Variants in SNX27 observed in about 807,000 individuals in gnomAD.
SNX27 encodes the protein sorting nexin-27.
A neutral mutation model predicts 71.6 loss-of-function variants in SNX27; 22 were observed. The observed-to-expected ratio is 0.31, with a 90% CI of 0.22 to 0.44. The LOEUF is 0.44. Ranked by LOEUF, SNX27 falls within the 20% of genes least tolerant of loss-of-function variation. The probability of loss-of-function intolerance (pLI) is 1.00; values close to 1 mark genes in which losing one functional copy is unlikely to be tolerated. For synonymous variants in SNX27, 269 were observed against 277.2 expected, an observed-to-expected ratio of 0.97 and a Z score of 0.29; for missense variants, 531 against 698.6, an observed-to-expected ratio of 0.76 and a Z score of 2.70.
At chr1:151,638,804 T>C in intron 1 of SNX27, 84 bp from the exon 2 acceptor site, 2 of 1,231,586 alleles carry the variant, frequency 1.6e-6, no homozygotes, top group Non-Finnish European at 2.4e-6. Context: ...CGTGTGACAC[T>C]GGAGTTTGGG....
At chr1:151,643,871 G>C (rs1668903320) in intron 2 of SNX27, among the ~76,000 whole-genome samples, 1 of 151,872 alleles carries the variant, frequency 6.6e-6, no homozygotes, top group African/African-American at 2.4e-5. Context: ...TGTTGGTCAG[G>C]CTGGTCTTGA....
At chr1:151,628,392 TGAAG>T (rs1438252644) in intron 1 of SNX27, among the ~76,000 whole-genome samples, 1 of 152,200 alleles carries the variant, frequency 6.6e-6, no homozygotes, top group African/African-American at 2.4e-5. Context: ...ATTCATCTAT[TGAAG>T]GACATCTTGG....
At chr1:151,613,491 C>T (rs368753023) in intron 1 of SNX27, 1 of 152,346 alleles carries the variant, frequency 6.6e-6, no homozygotes, top group African/African-American at 2.4e-5. Flanking sequence ...TCTGCTGCCT[C>T]TTCTACTCTA....
chr1:151,629,450 TG>T (rs1668096313), intron 1 of SNX27: 1 of 109,466 alleles, frequency 9.1e-6, no homozygotes, highest in South Asian at 2.8e-4. Flanking sequence ...TATATACACA[TG>T]TATATATACG....
rs183129288 is a variant in SNX27, at chr1:151,651,945, A to G, written c.544-6290A>G. ...CTGAGTGAACGAGACTCCGTCTGCA[A>G]TCCCGGCACCTGGGGAGGCCGAGGC... is the stretch of plus-strand genomic sequence containing the variant. On this transcript the variant is annotated intron_variant, in intron 2 of 11. Transcript: ENST00000458013. 9.5e-3 allele frequency among the ~76,000 whole-genome samples: 1,448 copies of G among 152,144 alleles called. 31 individuals carry two copies. The highest frequency in any genetic ancestry group is 0.033 in the African/African-American group (1,360 of 41,534).
At chr1:151,650,585 A>C (rs1009435937) in intron 2 of SNX27, among the ~76,000 whole-genome samples, 1 of 151,702 alleles carries the variant, frequency 6.6e-6, no homozygotes. Flanking sequence ...TTTTAGCTCT[A>C]ATTTTTCTCT....
At chr1:151,633,184 T>A (rs1286769212) in intron 1 of SNX27, among the ~76,000 whole-genome samples, 1 of 152,166 alleles carries the variant, frequency 6.6e-6, no homozygotes, top group Non-Finnish European at 1.5e-5. Flanking sequence ...TAAACTTTAC[T>A]GAGGCTTAAT....
chr1:151,619,573 T>A (rs544549104), intron 1 of SNX27, among the ~76,000 whole-genome samples: 2 of 152,244 alleles, frequency 1.3e-5, no homozygotes, highest in South Asian at 4.2e-4. Flanking sequence ...AGTGCTGGGA[T>A]TACAGGTGTG....
intron 2 of SNX27, among the ~76,000 whole-genome samples, chr1:151,645,493 C>T (rs187775949): frequency 5.8e-4 from 89 of 152,294 alleles, no homozygotes; most frequent in Middle Eastern, 3.4e-3. Context: ...TAAGCTGTGT[C>T]GCCTTCTGTG....
At chr1:151,639,478 G>T (rs184998644) in intron 2 of SNX27, among the ~76,000 whole-genome samples, 202 of 152,268 alleles carry the variant, frequency 1.3e-3, no homozygotes, top group African/African-American at 4.8e-3. Flanking sequence ...TGTTGATTCT[G>T]TGGTGCTATA....
rs1445554873 is a variant in SNX27 at position 151,617,909 on chromosome 1, TAGG to T, written c.311+5400_311+5402del. ...TTTTTTTTTTTTTTTTTTAAAGAGA[TAGG>T]AGTCTCACTATGTTGCCCAGGCTGT... On this transcript the variant is annotated intron_variant, in intron 1 of 11. Coordinates refer to ENST00000458013, the MANE Select transcript of SNX27 (RefSeq NM_001330723.2). Among the ~76,000 whole-genome samples, 4 of 136,848 alleles carry T rather than the reference TAGG, an allele frequency of 2.9e-5. No homozygotes were observed. In the East Asian group the frequency reaches 9.1e-4, roughly 31 times the overall value. The allele number at this position is 136,848 out of a possible 152,430, so 89.8% of individuals were successfully genotyped here.
chr1:151,645,952 A>G (rs187538394), intron 2 of SNX27, among the ~76,000 whole-genome samples: 24 of 152,348 alleles, frequency 1.6e-4, no homozygotes, highest in African/African-American at 5.1e-4. Flanking sequence ...GGGTTGGTCT[A>G]CAGGAAGTGT....
Position 151,629,274 on chromosome 1 carries a change from A to G in SNX27, c.312-9614A>G, listed in dbSNP as rs189579818. ...ACTTTTTATAAAAACAAATTTGGAA[A>G]CAACCTAAATAATAATGGATATGTT... On this transcript the variant is annotated intron_variant, in intron 1 of 11. Coordinates refer to ENST00000458013, the MANE Select transcript of SNX27 (RefSeq NM_001330723.2). The G allele has an allele frequency of 2.0e-5, 3 of 151,890 alleles. No individual in the cohort carries two copies. In the East Asian group the frequency reaches 5.8e-4, roughly 29 times the overall value. The allele number at this position is 151,890 out of a possible 1,614,324, so 9.4% of individuals were successfully genotyped here. A position where few individuals can be genotyped will look rare whatever the true frequency, so the allele number is the denominator to read the frequency against.
intron 1 of SNX27, among the ~76,000 whole-genome samples, chr1:151,637,883 G>C (rs996282017): frequency 2.0e-5 from 3 of 152,216 alleles, no homozygotes; most frequent in Non-Finnish European, 4.4e-5. Flanking sequence ...GGGTAGATAA[G>C]CTTTAAATGT....
intron 2 of SNX27, among the ~76,000 whole-genome samples, chr1:151,647,933 T>C (rs1282563141): frequency 1.3e-5 from 2 of 152,048 alleles, no homozygotes; most frequent in Admixed American, 6.6e-5. Context: ...AGATAAAAGT[T>C]GTAAAGGCAT....
chr1:151,670,235 T>G (rs1472532787), intron 7 of SNX27, among the ~76,000 whole-genome samples: 2 of 152,242 alleles, frequency 1.3e-5, no homozygotes, highest in Non-Finnish European at 2.9e-5. Context: ...TCATTCTTTT[T>G]TTATGGCTGA....
At chr1:151,623,517 C>T (rs867115556) in intron 1 of SNX27, among the ~76,000 whole-genome samples, 6 of 152,214 alleles carry the variant, frequency 3.9e-5, no homozygotes, top group Non-Finnish European at 7.3e-5. Flanking sequence ...CTGCCTTGGC[C>T]GCCCAAAATG....
chr1:151,627,611 A>G (rs998993133), intron 1 of SNX27, among the ~76,000 whole-genome samples: 5 of 152,132 alleles, frequency 3.3e-5, no homozygotes, highest in African/African-American at 1.2e-4. Flanking sequence ...TTTTTTAAAT[A>G]GAGATGGGGT....
rs947757720 is a variant in SNX27, at chr1:151,630,583, G to A, written c.312-8305G>A. ...TTATTTCTAAAACAACATTCCAAATGTCTTTGATATTTAGTGATCCAGAAT... is the reference window on the plus strand; with the variant it reads ...TTATTTCTAAAACAACATTCCAAATATCTTTGATATTTAGTGATCCAGAAT... On this transcript the variant is annotated intron_variant, in intron 1 of 11. Transcript: ENST00000458013. Among the ~76,000 whole-genome samples, 3 of 152,282 alleles carry A rather than the reference G, an allele frequency of 2.0e-5. No homozygotes were observed. The East Asian group carries it at 5.8e-4, about 29-fold the overall frequency.
Sources: allele counts gnomAD v4.1 joint callset (sites outside exome capture counted in the v4.1 genomes callset), GRCh38; gene constraint gnomAD v4.1.1; transcripts MANE v1.5; gene names NCBI Gene and HGNC (gene_info 2026-07-23, HGNC 2026-07-21).